The following CSMD3 variants were observed in gnomAD, a reference collection of about 807,000 sequenced individuals.
The protein encoded by CSMD3 is CUB and Sushi multiple domains 3.
A neutral mutation model predicts 435.2 loss-of-function variants in CSMD3; 177 were observed. The observed-to-expected ratio is 0.41, with a 90% CI of 0.36 to 0.46. The LOEUF (loss-of-function observed/expected upper bound fraction) is 0.46. Ranked by LOEUF, CSMD3 falls within the 20% of genes least tolerant of loss-of-function variation. CSMD3 has a pLI of 0.34. For missense variants in CSMD3, 4,265 were observed against 4,504.6 expected (o/e 0.95, Z 1.52); for synonymous variants, 1,656 against 1,520.5 (o/e 1.09, Z -2.07).
chr8:113,063,349 G>A (rs1244623186), intron 5 of CSMD3, among the ~76,000 whole-genome samples: 1 of 151,560 alleles, frequency 6.6e-6, no homozygotes, highest in Admixed American at 6.6e-5. Flanking sequence ...TTTATCCAAA[G>A]GTATCCTCAC....
intron 1 of CSMD3, among the ~76,000 whole-genome samples, chr8:113,399,613 A>G (rs867110220): frequency 1.3e-5 from 2 of 152,134 alleles, no homozygotes; most frequent in South Asian, 4.1e-4. Context: ...AGATAAAAAA[A>G]TAGAATAGCA....
intron 13 of CSMD3, among the ~76,000 whole-genome samples, chr8:112,758,839 G>A (rs2077766681): frequency 6.6e-6 from 1 of 151,920 alleles, no homozygotes; most frequent in Non-Finnish European, 1.5e-5. Flanking sequence ...TAATGGGGAT[G>A]GTATTTATTT....
chr8:113,146,567 A>C (rs1389921534), intron 4 of CSMD3, among the ~76,000 whole-genome samples: 2 of 151,670 alleles, frequency 1.3e-5, no homozygotes, highest in Admixed American at 6.6e-5. Context: ...ATTTTATTCA[A>C]CATTTGGAAG....
At chr8:112,491,057 A>G (rs911069686) in intron 31 of CSMD3, among the ~76,000 whole-genome samples, 12 of 152,200 alleles carry the variant, frequency 7.9e-5, no homozygotes, top group African/African-American at 2.9e-4. Flanking sequence ...AATATTTTGA[A>G]GTAAAAAATG....
intron 59 of CSMD3, among the ~76,000 whole-genome samples, chr8:112,280,457 G>C (rs1818514148): frequency 6.6e-6 from 1 of 151,822 alleles, no homozygotes; most frequent in Admixed American, 6.6e-5. Context: ...TTTTTGTAGA[G>C]ACAGGGTTTT....
chr8:112,377,868 A>G (rs1586922772), intron 38 of CSMD3, among the ~76,000 whole-genome samples: 1 of 152,268 alleles, frequency 6.6e-6, no homozygotes, highest in East Asian at 1.9e-4. Flanking sequence ...AAGACCATAT[A>G]TGAAAAGCCC....
At chr8:112,535,156 G>C (rs929971659) in intron 27 of CSMD3, among the ~76,000 whole-genome samples, 1 of 151,234 alleles carries the variant, frequency 6.6e-6, no homozygotes, top group South Asian at 2.1e-4. Context: ...ACATAGTGTT[G>C]GAAGTTCTGG....
chr8:112,304,983 C>T (rs2130780925), intron 51 of CSMD3, 68 bp from the exon 52 acceptor site: 1 of 1,141,140 alleles, frequency 8.8e-7, no homozygotes, highest in Non-Finnish European at 1.3e-6. Context: ...CCATTCTTTA[C>T]ATCTCCACTG....
intron 13 of CSMD3, among the ~76,000 whole-genome samples, chr8:112,772,560 G>T (rs1299448630): frequency 6.6e-6 from 1 of 151,996 alleles, no homozygotes; most frequent in Non-Finnish European, 1.5e-5. Context: ...CGTGGGAAGG[G>T]AAAGACCTGA....
chr8:112,302,944 C>T (rs759610526), intron 52 of CSMD3, among the ~76,000 whole-genome samples: 3 of 151,394 alleles, frequency 2.0e-5, no homozygotes, highest in Admixed American at 6.6e-5. Context: ...CTATTTTTTT[C>T]TTTTTCTCAA....
Position 113,278,645 on chromosome 8 carries a change from C to T in CSMD3, c.461G>A (p.Arg154His), listed in dbSNP as rs373340560. Residue 154 changes from arginine to histidine, a missense_variant, in exon 3 of 71, where the codon CGT (arginine) becomes CAT (histidine). Physicochemically the swap from Arg to His is conservative, Grantham distance 29. Around this residue, in one of 3 missense-constraint regions of CSMD3, gnomAD observed 731 missense variants for 755.4 expected, o/e 0.97. Transcript: ENST00000297405. ...VTSTKSVFSL[R>H]LTSDFAVSAH... ...ACTAACTGCAAAATCACTGGTCAAACGTAGTGAGAACACAGATTTGGTACT... is the reference window on the plus strand; with the variant it reads ...ACTAACTGCAAAATCACTGGTCAAATGTAGTGAGAACACAGATTTGGTACT... The T allele has an allele frequency of 6.9e-6, 11 of 1,604,760 alleles. No individual in the cohort carries two copies. Among genetic ancestry groups the T allele is most frequent in the African/African-American group, 2.7e-5 (2 of 74,612 alleles).
At chr8:113,366,483 CAAT>C (rs1331094189) in intron 1 of CSMD3, among the ~76,000 whole-genome samples, 1 of 151,976 alleles carries the variant, frequency 6.6e-6, no homozygotes, top group Non-Finnish European at 1.5e-5. Context: ...TTGTTTTATA[CAAT>C]AATTTTAATT....
At chr8:112,849,129 C>T (rs924393114) in intron 11 of CSMD3, among the ~76,000 whole-genome samples, 3 of 152,024 alleles carry the variant, frequency 2.0e-5, no homozygotes, top group African/African-American at 4.8e-5. Flanking sequence ...ACTAAGCTAG[C>T]GAGAGTTATA....
At position 112,656,218 on chromosome 8, in the gene CSMD3, A is replaced by C; in HGVS notation, c.2940T>G (p.Phe980Leu). The C allele has an allele frequency of 1.3e-6, 2 of 1,593,742 alleles. No homozygotes were observed. Among genetic ancestry groups the C allele is most frequent in the Non-Finnish European group, 1.7e-6 (2 of 1,161,656 alleles). The stretch of plus-strand genomic sequence containing the variant: ...TGTCTGTTGTAAATAGAAGGTATAT[A>C]AAATTACTGCTACTAAATAGAAACT... ...VPQFLFSSSNFIYLLFTTDNS... is the reference protein window; with the variant it reads ...VPQFLFSSSNLIYLLFTTDNS... The change falls in exon 18 of 71, where the codon TTT becomes TTG. Residue 980 changes from phenylalanine (F) to leucine (L), a missense_variant. Around this residue, in one of 3 missense-constraint regions of CSMD3, gnomAD observed 3,255 missense variants for 3,380.2 expected, o/e 0.96. Coordinates refer to ENST00000297405, the MANE Select transcript of CSMD3 (RefSeq NM_198123.2).
At chr8:112,670,833 G>A (rs979739931) in intron 16 of CSMD3, among the ~76,000 whole-genome samples, 3 of 152,124 alleles carry the variant, frequency 2.0e-5, no homozygotes, top group Non-Finnish European at 4.4e-5. Flanking sequence ...GGCTATCTTA[G>A]GAGTGATTTT....
chr8:112,320,159 T>C (rs576625355), intron 45 of CSMD3, among the ~76,000 whole-genome samples, 178 bp from the exon 46 acceptor site: 4 of 152,288 alleles, frequency 2.6e-5, no homozygotes, highest in African/African-American at 9.6e-5. Flanking sequence ...CAAAATATTT[T>C]CCCATGGTAA....
intron 67 of CSMD3, 75 bp downstream of exon 67, chr8:112,237,115 A>G: frequency 3.4e-6 from 5 of 1,450,228 alleles, no homozygotes; most frequent in Non-Finnish European, 4.8e-6. Context: ...TATAAAAAGC[A>G]TTACTAAAAA....
rs147263614 is a variant in CSMD3, at chr8:113,221,354, T to TACACACACACAC, written c.515-47450_515-47439dup. 2.1e-3 allele frequency among the ~76,000 whole-genome samples: 291 copies of TACACACACACAC among 141,902 alleles called. 1 individual carries two copies. The highest frequency in any genetic ancestry group is 4.8e-3 in the South Asian group (21 of 4,404). The allele number at this position is 141,902 out of a possible 152,430, so 93.1% of individuals were successfully genotyped here. ...AGGAGAAAATACACACAGACACAGT[T>TACACACACACAC]ACACACACACACACACACACACACA... On this transcript the variant is annotated intron_variant, in intron 3 of 70. Transcript: ENST00000297405.
intron 40 of CSMD3, among the ~76,000 whole-genome samples, chr8:112,348,128 T>C (rs773007560): frequency 6.6e-6 from 1 of 152,198 alleles, no homozygotes; most frequent in Non-Finnish European, 1.5e-5. Context: ...TGAAGAAGGA[T>C]ACCAAAGAAT....
Sources: gnomAD v4.1 joint callset for allele counts (sites outside exome capture counted in the v4.1 genomes callset) on GRCh38, gnomAD v4.1.1 for gene constraint, gnomAD v4.1.1 regional missense constraint, MANE v1.5 for transcripts, NCBI Gene and HGNC (gene_info 2026-07-23, HGNC 2026-07-21) for gene names.